PDZRN3: variants seen among roughly 807,000 people sequenced by gnomAD.
PDZRN3 encodes PDZ domain containing ring finger 3.
PDZRN3 carries 38 observed loss-of-function variants against 85.7 expected under a neutral mutation model. The ratio of observed to expected loss-of-function variants is 0.44; its 90% CI spans 0.34 to 0.58. PDZRN3 has a LOEUF of 0.58. PDZRN3 is among the 20% of genes least tolerant of loss of function. The pLI, the probability that PDZRN3 is intolerant of heterozygous loss-of-function variation, is 0.01. For missense variants in PDZRN3, 1,629 were observed against 1,506.4 expected (o/e 1.08, Z -1.35); for synonymous variants, 759 against 638.0 (o/e 1.19, Z -2.86).
intron 1 of PDZRN3, among the ~76,000 whole-genome samples, chr3:73,609,128 T>C (rs759907324): frequency 3.3e-4 from 50 of 152,062 alleles, no homozygotes; most frequent in Non-Finnish European, 6.2e-4. Context: ...AGTGCATGCA[T>C]GGCCCATCAA....
chr3:73,484,931 C>G (rs548223517), intron 3 of PDZRN3, among the ~76,000 whole-genome samples: 2 of 152,326 alleles, frequency 1.3e-5, no homozygotes, highest in African/African-American at 4.8e-5. Context: ...GCGAGCCAAC[C>G]TTCTCCTAGA....
chr3:73,419,714 C>T (rs922601137), intron 3 of PDZRN3, among the ~76,000 whole-genome samples: 8 of 152,242 alleles, frequency 5.3e-5, no homozygotes, highest in Admixed American at 2.6e-4. Flanking sequence ...TGTTTTGCAG[C>T]GGTACCATCC....
intron 3 of PDZRN3, among the ~76,000 whole-genome samples, chr3:73,464,295 T>C (rs1398824416): frequency 3.3e-5 from 5 of 152,208 alleles, no homozygotes; most frequent in African/African-American, 1.2e-4. Flanking sequence ...CTGTGTATTC[T>C]TTATTGGGTA....
At chr3:73,446,812 T>C (rs1001060212) in intron 3 of PDZRN3, among the ~76,000 whole-genome samples, 15 of 152,012 alleles carry the variant, frequency 9.9e-5, no homozygotes, top group African/African-American at 3.6e-4. Context: ...TTCTTTAAAA[T>C]ACTGAATCCT....
intron 1 of PDZRN3, chr3:73,623,443 G>A (rs940224757): frequency 4.6e-5 from 7 of 152,288 alleles, no homozygotes; most frequent in African/African-American, 1.7e-4. Context: ...GCCTGGCTGT[G>A]TTTTTACTCT....
intron 3 of PDZRN3, chr3:73,433,646 ACTT>A: frequency 6.5e-7 from 1 of 1,534,416 alleles, no homozygotes; most frequent in East Asian, 2.4e-5. Flanking sequence ...TACCTGACAA[ACTT>A]CATAGAGTAA....
intron 3 of PDZRN3, among the ~76,000 whole-genome samples, chr3:73,494,299 T>C (rs532899650): frequency 6.6e-6 from 1 of 152,364 alleles, no homozygotes; most frequent in Admixed American, 6.5e-5. Flanking sequence ...TCTGTAATAG[T>C]AGTTACACAT....
At chr3:73,572,285 A>G (rs992690110) in intron 3 of PDZRN3, among the ~76,000 whole-genome samples, 40 of 152,228 alleles carry the variant, frequency 2.6e-4, no homozygotes, top group Non-Finnish European at 5.7e-4. Flanking sequence ...CCTCTTTCAG[A>G]GATTTTAATA....
intron 3 of PDZRN3, among the ~76,000 whole-genome samples, chr3:73,408,922 T>C (rs988797216): frequency 6.6e-6 from 1 of 152,018 alleles, no homozygotes; most frequent in African/African-American, 2.4e-5. Context: ...ATGATGGCTG[T>C]GATTATAGAC....
intron 3 of PDZRN3, among the ~76,000 whole-genome samples, chr3:73,498,918 C>T (rs1391044173): frequency 6.6e-6 from 1 of 152,056 alleles, no homozygotes; most frequent in Non-Finnish European, 1.5e-5. Flanking sequence ...ACAGCATAGA[C>T]CCAGATGCTG....
chr3:73,565,890 T>C (rs2106841292), intron 3 of PDZRN3, among the ~76,000 whole-genome samples: 1 of 152,216 alleles, frequency 6.6e-6, no homozygotes, highest in East Asian at 1.9e-4. Flanking sequence ...ACCAGGTTTG[T>C]CTTCATTCTT....
At chr3:73,532,181 T>C (rs926087195) in intron 3 of PDZRN3, among the ~76,000 whole-genome samples, 12 of 152,012 alleles carry the variant, frequency 7.9e-5, no homozygotes, top group African/African-American at 2.9e-4. Flanking sequence ...TCTGTATTTT[T>C]TTTTTAGTAG....
chr3:73,399,049 A>G (rs1254090058), intron 5 of PDZRN3, among the ~76,000 whole-genome samples: 1 of 152,192 alleles, frequency 6.6e-6, no homozygotes, highest in Admixed American at 6.5e-5. Flanking sequence ...ACCATATGCA[A>G]GCTCTCACAG....
chr3:73,567,062 C>T (rs1310283728), intron 3 of PDZRN3, among the ~76,000 whole-genome samples: 1 of 152,118 alleles, frequency 6.6e-6, no homozygotes, highest in Non-Finnish European at 1.5e-5. Flanking sequence ...ATAGAGTTGA[C>T]CCAGTGGAAA....
intron 3 of PDZRN3, among the ~76,000 whole-genome samples, chr3:73,490,006 T>C (rs1277904260): frequency 6.6e-6 from 1 of 152,230 alleles, no homozygotes; most frequent in Non-Finnish European, 1.5e-5. Flanking sequence ...GCCAAGTTAC[T>C]TATAATCACA....
At chr3:73,544,202 T>C (rs1701361738) in intron 3 of PDZRN3, among the ~76,000 whole-genome samples, 1 of 152,204 alleles carries the variant, frequency 6.6e-6, no homozygotes, top group African/African-American at 2.4e-5. Context: ...AACAACTCTG[T>C]CTCAAAAACA....
intron 3 of PDZRN3, among the ~76,000 whole-genome samples, chr3:73,570,036 C>T (rs1702022908): frequency 6.6e-6 from 1 of 152,122 alleles, no homozygotes; most frequent in African/African-American, 2.4e-5. Context: ...TGTTCTCTTA[C>T]CCTGCTTCAT....
rs373980887 is a variant in PDZRN3, at chr3:73,608,609, G to A, written c.799C>T (p.Arg267Trp). 2.2e-5 allele frequency: 36 copies of A among 1,609,000 alleles called. No homozygotes were observed. The highest frequency in any genetic ancestry group is 1.7e-4 in the Admixed American group (10 of 59,930). The change falls in exon 2 of 10, where the codon CGG becomes TGG. Residue 267 changes from arginine (R) to tryptophan (W), a missense_variant. Arg to Trp is a moderately radical substitution (Grantham distance 101). Coordinates refer to ENST00000263666, the MANE Select transcript of PDZRN3 (RefSeq NM_015009.3). ...GSLGFNIIGGRPSVDNHDGSS... is the reference protein window; with the variant it reads ...GSLGFNIIGGWPSVDNHDGSS... ...AGTAATTAACATACCACACTCGGCC[G>A]GCCACCAATAATATTGAATCCCAGG...
rs560852020 is a variant in PDZRN3 at position 73,453,029 on chromosome 3, T to C, written c.919-48634A>G. 4.6e-5 allele frequency among the ~76,000 whole-genome samples: 7 copies of C among 152,222 alleles called. No homozygotes were observed. In the South Asian group the frequency reaches 1.5e-3, roughly 32 times the overall value. ...AGCAAACTGACACTCTGCCATTGAATACAAGGAAGAAATGGAGTATGGGGG... is the reference window on the plus strand; with the variant it reads ...AGCAAACTGACACTCTGCCATTGAACACAAGGAAGAAATGGAGTATGGGGG... On this transcript the variant is annotated intron_variant, in intron 3 of 9. Coordinates refer to ENST00000263666, the MANE Select transcript of PDZRN3 (RefSeq NM_015009.3).
Sources: gnomAD v4.1 joint callset for allele counts (sites outside exome capture counted in the v4.1 genomes callset) on GRCh38, gnomAD v4.1.1 for gene constraint, MANE v1.5 for transcripts, NCBI Gene and HGNC (gene_info 2026-07-23, HGNC 2026-07-21) for gene names.